Variants in ARB2A observed in about 807,000 individuals in gnomAD.
The protein encoded by ARB2A is ARB2 cotranscriptional regulator A.
At chr5:93,744,434 C>CAAAAAAAAAA in the ARB2A span, among the ~76,000 whole-genome samples, 119 of 14,536 alleles carry the variant, frequency 8.2e-3, 25 homozygotes, top group Middle Eastern at 0.083. Flanking sequence ...GACTCAGTCT[C>CAAAAAAAAAA]AAAAAAAAAA....
At chr5:93,643,811 C>T in the ARB2A span, among the ~76,000 whole-genome samples, 1 of 152,110 alleles carries the variant, frequency 6.6e-6, no homozygotes, top group Admixed American at 6.5e-5. Flanking sequence ...TTTTAAAATT[C>T]AATTTTAAGC....
the ARB2A span, among the ~76,000 whole-genome samples, chr5:93,820,674 T>C: frequency 1.3e-5 from 2 of 152,204 alleles, no homozygotes; most frequent in Non-Finnish European, 2.9e-5. Context: ...CTTTACATAT[T>C]GGCATTATTT....
At chr5:94,003,624 A>C in the ARB2A span, among the ~76,000 whole-genome samples, 2 of 152,158 alleles carry the variant, frequency 1.3e-5, no homozygotes, top group African/African-American at 2.4e-5. Context: ...TTAAAAAATG[A>C]AATACTTAGA....
the ARB2A span, among the ~76,000 whole-genome samples, chr5:93,675,079 C>A: frequency 1.3e-5 from 2 of 152,148 alleles, no homozygotes; most frequent in African/African-American, 4.8e-5. Flanking sequence ...GTACTTTTCA[C>A]TTTCTAATAA....
At chr5:93,822,622 A>C in the ARB2A span, among the ~76,000 whole-genome samples, 1 of 151,982 alleles carries the variant, frequency 6.6e-6, no homozygotes, top group African/African-American at 2.4e-5. Context: ...ATATCTATGG[A>C]GATATAGAGA....
the ARB2A span, among the ~76,000 whole-genome samples, chr5:94,033,714 T>C: frequency 1.3e-5 from 2 of 152,208 alleles, no homozygotes; most frequent in Non-Finnish European, 2.9e-5. Flanking sequence ...CATGAGCCGC[T>C]GTGCCTGGCC....
chr5:93,666,174 C>G, the ARB2A span, among the ~76,000 whole-genome samples: 1 of 152,178 alleles, frequency 6.6e-6, no homozygotes, highest in East Asian at 1.9e-4. Context: ...TAGAAGATTA[C>G]ACAAGATACC....
chr5:93,831,093 G>A, the ARB2A span, among the ~76,000 whole-genome samples: 16 of 152,024 alleles, frequency 1.1e-4, no homozygotes, highest in African/African-American at 2.7e-4. Flanking sequence ...GTGGTAATGC[G>A]AGCAATGGGG....
At chr5:93,794,599 C>T in the ARB2A span, among the ~76,000 whole-genome samples, 4 of 152,088 alleles carry the variant, frequency 2.6e-5, no homozygotes, top group African/African-American at 7.2e-5. Flanking sequence ...TTCTTTTGTC[C>T]CACAGGGTGC....
At chr5:93,668,643 G>GT in the ARB2A span, among the ~76,000 whole-genome samples, 4,899 of 151,928 alleles carry the variant, frequency 0.032, 239 homozygotes, top group African/African-American at 0.11. Context: ...GATGGTATTT[G>GT]TTTTTTTTGA....
At chr5:93,668,934 G>C in the ARB2A span, among the ~76,000 whole-genome samples, 3 of 152,142 alleles carry the variant, frequency 2.0e-5, no homozygotes, top group African/African-American at 4.8e-5. Context: ...GGGAAAACTG[G>C]ATTGGCCTAT....
the ARB2A span, among the ~76,000 whole-genome samples, chr5:93,657,707 A>G: frequency 6.6e-6 from 1 of 152,180 alleles, no homozygotes; most frequent in Non-Finnish European, 1.5e-5. Context: ...AGAATCCAAG[A>G]CTCACCTGCC....
chr5:93,849,869 A>AT, the ARB2A span, among the ~76,000 whole-genome samples: 1 of 152,150 alleles, frequency 6.6e-6, no homozygotes, highest in East Asian at 1.9e-4. Flanking sequence ...AAAACATGAG[A>AT]TTTTCAAGAA....
the ARB2A span, among the ~76,000 whole-genome samples, chr5:93,718,207 C>T: frequency 4.6e-5 from 7 of 151,930 alleles, no homozygotes; most frequent in Admixed American, 6.5e-5. Flanking sequence ...TTTGGGAGGC[C>T]GAGGTGGGCA....
chr5:93,769,257 C>T, the ARB2A span, among the ~76,000 whole-genome samples: 3 of 152,130 alleles, frequency 2.0e-5, no homozygotes, highest in Non-Finnish European at 4.4e-5. Context: ...AACAACTTTA[C>T]AATTTAGCAA....
chr5:93,893,843 A>G, the ARB2A span, among the ~76,000 whole-genome samples: 4 of 152,200 alleles, frequency 2.6e-5, no homozygotes, highest in Admixed American at 2.6e-4. Flanking sequence ...AAATTGTATC[A>G]TATAGTTTGG....
chr5:93,952,913 C>T, the ARB2A span, among the ~76,000 whole-genome samples: 1 of 152,116 alleles, frequency 6.6e-6, no homozygotes, highest in South Asian at 2.1e-4. Context: ...CTTTCTTCTT[C>T]TTGATCAATT....
At chr5:93,829,210 C>A in the ARB2A span, among the ~76,000 whole-genome samples, 20 of 152,162 alleles carry the variant, frequency 1.3e-4, no homozygotes, top group Non-Finnish European at 1.5e-5. Context: ...AATACCTTGA[C>A]CCCAAACACA....
chr5:93,809,581 T>C, the ARB2A span, among the ~76,000 whole-genome samples: 1 of 152,024 alleles, frequency 6.6e-6, no homozygotes, highest in South Asian at 2.1e-4. Flanking sequence ...AAAAAAACTT[T>C]ACTATTTTAT....
Sources: gnomAD v4.1 joint callset for allele counts (sites outside exome capture counted in the v4.1 genomes callset) on GRCh38, gnomAD v4.1.1 for gene constraint, MANE v1.5 for transcripts, NCBI Gene and HGNC (gene_info 2026-07-23, HGNC 2026-07-21) for gene names.